Variants in NR3C1 observed in about 807,000 individuals in gnomAD.
NR3C1 encodes glucocorticoid receptor.
In NR3C1, 14 loss-of-function variants were observed where a neutral mutation model predicts 74.0. The observed-to-expected ratio is 0.19, with a 90% CI of 0.12 to 0.30. The LOEUF is 0.30. Ranked by LOEUF, NR3C1 falls within the 10% of genes least tolerant of loss-of-function variation. The probability of loss-of-function intolerance (pLI) is 1.00; values close to 1 mark genes in which losing one functional copy is unlikely to be tolerated. For synonymous variants in NR3C1, 308 were observed against 332.5 expected (o/e 0.93, Z 0.80); for missense variants, 695 against 909.8 (o/e 0.76, Z 3.04).
intron 7 of NR3C1, among the ~76,000 whole-genome samples, chr5:143,292,939 C>G (rs1324369437): frequency 6.6e-6 from 1 of 152,170 alleles, no homozygotes; most frequent in African/African-American, 2.4e-5. Flanking sequence ...GTTTCTATAG[C>G]TTTGTTGCCA....
chr5:143,424,180 T>A (rs1480178014), intron 1 of NR3C1, among the ~76,000 whole-genome samples: 1 of 151,596 alleles, frequency 6.6e-6, no homozygotes, highest in African/African-American at 2.4e-5. Context: ...ACCTGCACAT[T>A]GTGCACATGT....
intron 1 of NR3C1, chr5:143,408,887 A>G (rs1312868416): frequency 6.6e-6 from 1 of 152,220 alleles, no homozygotes; most frequent in African/African-American, 2.4e-5. Flanking sequence ...AGTCTTTTAA[A>G]ATTGTCTTAC....
At chr5:143,413,841 G>C (rs187092805) in intron 1 of NR3C1, among the ~76,000 whole-genome samples, 2 of 152,230 alleles carry the variant, frequency 1.3e-5, no homozygotes, top group Admixed American at 1.3e-4. Context: ...AAATGAAAGA[G>C]AGAGAAGAGG....
chr5:143,370,727 T>C (rs1031247759), intron 2 of NR3C1, among the ~76,000 whole-genome samples: 5 of 151,746 alleles, frequency 3.3e-5, no homozygotes, highest in Non-Finnish European at 7.4e-5. Flanking sequence ...AGCAGCTTCA[T>C]GATAGATGAA....
chr5:143,391,372 A>C (rs1001119975), intron 2 of NR3C1, among the ~76,000 whole-genome samples: 1 of 152,172 alleles, frequency 6.6e-6, no homozygotes, highest in African/African-American at 2.4e-5. Flanking sequence ...AGTTAGGATA[A>C]ATTTTGGTAT....
At chr5:143,323,695 G>A (rs1207135857) in intron 2 of NR3C1, among the ~76,000 whole-genome samples, 2 of 152,052 alleles carry the variant, frequency 1.3e-5, no homozygotes, top group Admixed American at 6.6e-5. Flanking sequence ...TCTCATCTGA[G>A]ACAAGGCTAG....
intron 2 of NR3C1, among the ~76,000 whole-genome samples, chr5:143,326,150 C>T (rs914844156): frequency 6.6e-6 from 1 of 152,194 alleles, no homozygotes; most frequent in African/African-American, 2.4e-5. Flanking sequence ...AAGGCAACAC[C>T]TGGATCTGAA....
intron 2 of NR3C1, among the ~76,000 whole-genome samples, chr5:143,371,567 A>C (rs2151855184): frequency 6.6e-6 from 1 of 152,324 alleles, no homozygotes; most frequent in Non-Finnish European, 1.5e-5. Context: ...GGAGGCAAAA[A>C]AGTATAAAGC....
chr5:143,419,507 A>C (rs1751104644), intron 1 of NR3C1, among the ~76,000 whole-genome samples: 1 of 152,168 alleles, frequency 6.6e-6, no homozygotes, highest in African/African-American at 2.4e-5. Context: ...ATAAAGGGAC[A>C]GAGTTCAAAA....
intron 2 of NR3C1, among the ~76,000 whole-genome samples, chr5:143,325,182 G>T (rs1417658050): frequency 6.6e-6 from 1 of 152,104 alleles, no homozygotes; most frequent in Non-Finnish European, 1.5e-5. Context: ...ACCCAAAACT[G>T]GGAACAAAAA....
At chr5:143,405,449 G>T, upstream of NR3C1, 2 of 712,352 alleles carry the variant, frequency 2.8e-6, no homozygotes, top group Non-Finnish European at 3.4e-6. Context: ...AGTGTCGCCA[G>T]CCCGTCCCCG....
At position 143,367,036 on chromosome 5, in the gene NR3C1, C is replaced by G. The variant is rs75657563; in HGVS notation, c.1184+32620G>C. On this transcript the variant is annotated intron_variant, in intron 2 of 8. Coordinates refer to ENST00000394464, the MANE Select transcript of NR3C1 (RefSeq NM_000176.3). The stretch of plus-strand genomic sequence containing the variant: ...TCAACAAAATACTGGCAAACTGAAT[C>G]TACAAGTATATAAAAAGGATTATAA... 1.0e-3 allele frequency among the ~76,000 whole-genome samples: 155 copies of G among 152,214 alleles called. 3 individuals are homozygous for G. In the East Asian group the frequency reaches 0.022, roughly 22 times the overall value.
intron 7 of NR3C1, chr5:143,294,162 A>G (rs1816605600): frequency 4.1e-6 from 4 of 985,018 alleles, no homozygotes; most frequent in Non-Finnish European, 4.8e-6. Context: ...GTTTAAATAG[A>G]TATGAAATGA....
In NR3C1 at chr5:143,403,273, A is replaced by G; in HGVS notation, c.-76T>C. 1.0e-6 allele frequency: 1 copy of G among 985,540 alleles called. No homozygotes were observed. Among genetic ancestry groups the G allele is most frequent in the Non-Finnish European group, 1.2e-6 (1 of 830,050 alleles). 61.0% of individuals were successfully genotyped at this position (985,540 alleles called of 1,614,324 possible). On this transcript the variant is annotated 5_prime_UTR_variant, in exon 1 of 9. Transcript: ENST00000394464. Reference sequence around the variant, plus strand: ...GTTCCCGCCGCAGCCGAGATAAACAACTTAGCTTGTGAACGCAGAAGGAGC... The same window carrying G: ...GTTCCCGCCGCAGCCGAGATAAACAGCTTAGCTTGTGAACGCAGAAGGAGC...
intron 2 of NR3C1, among the ~76,000 whole-genome samples, chr5:143,376,612 A>G (rs543829231): frequency 6.6e-6 from 1 of 152,294 alleles, no homozygotes; most frequent in South Asian, 2.1e-4. Context: ...TTGGCAACAG[A>G]ATTTATTGGC....
intron 3 of NR3C1, among the ~76,000 whole-genome samples, chr5:143,312,804 TA>T (rs1821250071): frequency 6.6e-6 from 1 of 152,068 alleles, no homozygotes; most frequent in Admixed American, 6.5e-5. Context: ...AAGTGAGGAG[TA>T]AAGTGAGGAC....
chr5:143,291,211 T>G (rs1468724268), intron 7 of NR3C1, among the ~76,000 whole-genome samples: 1 of 152,144 alleles, frequency 6.6e-6, no homozygotes, highest in African/African-American at 2.4e-5. Flanking sequence ...TCAGTCCTTC[T>G]TAAAGATGGG....
intron 2 of NR3C1, among the ~76,000 whole-genome samples, chr5:143,398,274 T>C (rs1228861289): frequency 6.6e-6 from 1 of 151,834 alleles, no homozygotes; most frequent in Non-Finnish European, 1.5e-5. Flanking sequence ...TGAAGTAGTG[T>C]TCTTCTAAAT....
At chr5:143,427,254 G>A (rs988447240) in intron 1 of NR3C1, among the ~76,000 whole-genome samples, 9 of 151,922 alleles carry the variant, frequency 5.9e-5, no homozygotes, top group East Asian at 1.9e-4. Context: ...TTCAGGAAAC[G>A]ATAGCATAGT....
Sources: gnomAD v4.1 joint callset for allele counts (sites outside exome capture counted in the v4.1 genomes callset) on GRCh38, gnomAD v4.1.1 for gene constraint, MANE v1.5 for transcripts, NCBI Gene and HGNC (gene_info 2026-07-23, HGNC 2026-07-21) for gene names.